ZNF451: variants seen among roughly 807,000 people sequenced by gnomAD.
ZNF451 encodes the protein E3 SUMO-protein ligase ZNF451.
ZNF451 carries 80 observed loss-of-function variants against 107.1 expected under a neutral mutation model. The observed-to-expected ratio is 0.75, with a 90% CI of 0.62 to 0.90. ZNF451 has a LOEUF of 0.90. ZNF451 is among the 40% of genes least tolerant of loss of function. The pLI is 0.00. For missense variants in ZNF451, 1,107 were observed against 1,236.2 expected, an observed-to-expected ratio of 0.90 and a Z score of 1.57; for synonymous variants, 362 against 406.5, an observed-to-expected ratio of 0.89 and a Z score of 1.32.
In ZNF451 at chr6:57,168,893, GTT is replaced by G. The variant is rs1764016950; in HGVS notation, c.*427_*428del. On this transcript the variant is annotated 3_prime_UTR_variant, in exon 15 of 15. Transcript: ENST00000370706. ...ATATAAAAAAGGTGACATAGGTCAA[GTT>G]TTCCATAAATTCTACTTCTCATGTG... 6.4e-6 allele frequency: 1 copy of G among 155,556 alleles called. No homozygotes were observed. The highest frequency in any genetic ancestry group is 1.4e-5 in the Non-Finnish European group (1 of 70,602). The allele number at this position is 155,556 out of a possible 1,614,324, so 9.6% of individuals were successfully genotyped here.
intron 3 of ZNF451, chr6:57,101,311 C>G (rs541267521): frequency 1.9e-6 from 3 of 1,550,742 alleles, no homozygotes; most frequent in East Asian, 4.9e-5. Context: ...TTTGGTTCCT[C>G]CATTGCATCC....
In ZNF451 at chr6:57,170,038, G is replaced by C. The variant is rs1044398329; in HGVS notation, c.*1569G>C. ...ACTGATGCTCTATTAAGAAGCTTTT[G>C]TGGTGTGTGTGGTAGAGAATAATTA... On this transcript the variant is annotated 3_prime_UTR_variant, in exon 15 of 15. Transcript: ENST00000370706. 1.7e-5 allele frequency: 2 copies of C among 119,074 alleles called. No homozygotes were observed. The highest frequency in any genetic ancestry group is 3.7e-5 in the African/African-American group (1 of 27,276). The allele number at this position is 119,074 out of a possible 1,614,324, so 7.4% of individuals were successfully genotyped here. A position where few individuals can be genotyped will look rare whatever the true frequency, so the allele number is the denominator to read the frequency against.
Position 57,147,339 on chromosome 6 carries a change from G to A in ZNF451, c.1254G>A (p.Leu418=). The change falls in exon 10 of 15, where the codon TTG becomes TTA. Residue 418 remains leucine (L), a synonymous_variant. Transcript: ENST00000370706. ...ATCCTTCTTCTGACTTGCATTTATTGTTGGATCAATCAAAATTTTCATCAC... is the reference window on the plus strand; with the variant it reads ...ATCCTTCTTCTGACTTGCATTTATTATTGGATCAATCAAAATTTTCATCAC... ...NKDPSSDLHL[L]LDQSKFSSLK... The A allele has an allele frequency of 6.2e-7, 1 of 1,614,044 alleles. No homozygotes were observed. Among genetic ancestry groups the A allele is most frequent in the East Asian group, 2.2e-5 (1 of 44,872 alleles).
At chr6:57,114,016 T>G (rs1253379122) in intron 3 of ZNF451, among the ~76,000 whole-genome samples, 1 of 152,208 alleles carries the variant, frequency 6.6e-6, no homozygotes, top group Non-Finnish European at 1.5e-5. Context: ...GAGTGAATTG[T>G]TCAAGAAATA....
At chr6:57,101,706 A>T in intron 3 of ZNF451, 1 of 1,550,652 alleles carries the variant, frequency 6.4e-7, no homozygotes, top group South Asian at 1.2e-5. Context: ...GTATGGATGC[A>T]GGCCTTTGGC....
chr6:57,105,257 G>T (rs1487727509), intron 3 of ZNF451: 4 of 985,238 alleles, frequency 4.1e-6, no homozygotes, highest in African/African-American at 1.7e-5. Context: ...TTCTCAAAAA[G>T]GATGTATCTA....
chr6:57,150,624 T>C, intron 10 of ZNF451, 95 bp from the exon 11 acceptor site: 1 of 1,272,332 alleles, frequency 7.9e-7, no homozygotes, highest in Non-Finnish European at 1.1e-6. Flanking sequence ...GGTTAGTATT[T>C]TTGCATATTA....
intron 3 of ZNF451, chr6:57,103,360 C>G: frequency 1.0e-6 from 1 of 985,392 alleles, no homozygotes; most frequent in Non-Finnish European, 1.2e-6. Context: ...GTGATACGCT[C>G]TTGGTTAATT....
At chr6:57,100,872 G>A in intron 3 of ZNF451, 1 of 1,549,808 alleles carries the variant, frequency 6.5e-7, no homozygotes, top group Non-Finnish European at 8.7e-7. Flanking sequence ...CTCCACTTCT[G>A]GTCCCCCAAG....
At chr6:57,124,332 A>C in intron 3 of ZNF451, 1 of 692,608 alleles carries the variant, frequency 1.4e-6, no homozygotes, top group Non-Finnish European at 2.6e-6. Flanking sequence ...CTAAGCATCC[A>C]TTAGAGTTTA....
At chr6:57,158,697 T>C in intron 13 of ZNF451, 1 of 985,402 alleles carries the variant, frequency 1.0e-6, no homozygotes, top group African/African-American at 1.7e-5. Flanking sequence ...AGTGTTTTCT[T>C]ATTTGGGCCA....
Position 57,161,153 on chromosome 6 carries a change from G to A in ZNF451, c.3139+1G>A. The A allele has an allele frequency of 6.7e-7, 1 of 1,501,808 alleles. No homozygotes were observed. The highest frequency in any genetic ancestry group is 1.4e-5 in the South Asian group (1 of 72,142). 93.0% of individuals were successfully genotyped at this position (1,501,808 alleles called of 1,614,324 possible). ...GGAGAAGAATTTATATCCACAGAAG[G>A]TAACCTAATAGAGTTAATCTCTTTT... On this transcript the variant is annotated splice_donor_variant, in intron 14 of 14. Coordinates refer to ENST00000370706, the MANE Select transcript of ZNF451 (RefSeq NM_001031623.3). LOFTEE classifies it high-confidence loss of function.
chr6:57,158,603 A>C, intron 13 of ZNF451: 1 of 985,452 alleles, frequency 1.0e-6, no homozygotes. Context: ...AAAGAAATTC[A>C]CTAGAAACCT....
intron 11 of ZNF451, 122 bp downstream of exon 11, chr6:57,150,984 T>C: frequency 8.4e-7 from 1 of 1,188,080 alleles, no homozygotes; most frequent in African/African-American, 1.5e-5. Context: ...AATATTGTTC[T>C]TTTGTATTAT....
At chr6:57,098,287 C>T (rs150189841) in intron 2 of ZNF451, among the ~76,000 whole-genome samples, 202 of 151,840 alleles carry the variant, frequency 1.3e-3, no homozygotes, top group Non-Finnish European at 2.1e-3. Flanking sequence ...CCCACCTTGG[C>T]CTCCCAAAGT....
intron 4 of ZNF451, among the ~76,000 whole-genome samples, chr6:57,127,103 G>T (rs937539659): frequency 1.3e-5 from 2 of 152,012 alleles, no homozygotes; most frequent in Non-Finnish European, 1.5e-5. Context: ...GCTTTCTTTG[G>T]ATAGGCTAAC....
intron 13 of ZNF451, among the ~76,000 whole-genome samples, chr6:57,155,401 G>A (rs933927604): frequency 3.3e-5 from 5 of 152,122 alleles, no homozygotes; most frequent in Non-Finnish European, 5.9e-5. Context: ...CAGGAGAATC[G>A]CTTGAACCCA....
At chr6:57,152,448 C>A in intron 12 of ZNF451, 97 bp downstream of exon 12, 1 of 1,392,304 alleles carries the variant, frequency 7.2e-7, no homozygotes, top group African/African-American at 1.4e-5. Context: ...GATCATTCTT[C>A]AGTACTTCAG....
intron 3 of ZNF451, chr6:57,102,203 G>A (rs2127940533): frequency 7.0e-7 from 1 of 1,423,126 alleles, no homozygotes; most frequent in Non-Finnish European, 9.1e-7. Context: ...TCAAAAACTG[G>A]ATGCATGTCT....
Sources: gnomAD v4.1 joint callset for allele counts (sites outside exome capture counted in the v4.1 genomes callset) on GRCh38, gnomAD v4.1.1 for gene constraint, MANE v1.5 for transcripts, NCBI Gene and HGNC (gene_info 2026-07-23, HGNC 2026-07-21) for gene names.